PRKX: variants seen among roughly 807,000 people sequenced by gnomAD.
PRKX encodes protein kinase cAMP-dependent X-linked catalytic subunit.
PRKX carries 12 observed loss-of-function variants against 22.0 expected under a neutral mutation model. The observed-to-expected ratio is 0.54, with a 90% CI of 0.35 to 0.88. The LOEUF is 0.88. Among genes scored for constraint, PRKX ranks in the 40% least tolerant of loss-of-function variants. The pLI is 0.01. For missense variants in PRKX, 217 were observed against 308.0 expected (o/e 0.70, Z 2.21); for synonymous variants, 134 against 137.7 (o/e 0.97, Z 0.19).
rs34567097 is a variant in PRKX at position 3,666,152 on chromosome X, ATTT to A, written c.335+8443_335+8445del. Among the ~76,000 whole-genome samples, 525 of 68,077 alleles carry A rather than the reference ATTT, an allele frequency of 7.7e-3. 5 individuals are homozygous for A. Among genetic ancestry groups the A allele is most frequent in the African/African-American group, 0.015 (267 of 18,217 alleles). The allele number at this position is 68,077 out of a possible 115,157, so 59.1% of individuals were successfully genotyped here. On this transcript the variant is annotated intron_variant, in intron 2 of 8. Transcript: ENST00000262848. ...CAGCCTCCCGAGTAGTGAACTGTAC[ATTT>A]TTTTTTTTTTTTTTTTTGAGACAGA...
At chrX:3,685,784 G>A (rs1928167065) in intron 1 of PRKX, among the ~76,000 whole-genome samples, 1 of 111,430 alleles carries the variant, frequency 9.0e-6, no homozygotes, top group African/African-American at 3.3e-5. Context: ...GGTGGCGCAT[G>A]TCTGTAATCC....
At chrX:3,677,677 C>T (rs778347070) in intron 1 of PRKX, among the ~76,000 whole-genome samples, 1 of 111,703 alleles carries the variant, frequency 9.0e-6, no homozygotes, top group South Asian at 3.7e-4. Flanking sequence ...CTAAAATCCC[C>T]ATGTTGTAAA....
At chrX:3,615,112 G>A (rs764248470) in intron 7 of PRKX, among the ~76,000 whole-genome samples, 25 of 97,323 alleles carry the variant, frequency 2.6e-4, no homozygotes, top group Non-Finnish European at 4.4e-4. Flanking sequence ...TCCGCCTCCT[G>A]GTATCAAGCA....
In PRKX at chrX:3,665,091, C is replaced by T. The variant is rs761991272; in HGVS notation, c.335+9507G>A. Among the ~76,000 whole-genome samples the T allele has an allele frequency of 1.2e-4, 13 of 111,907 alleles. No individual in the cohort carries two copies. The South Asian group carries it at 3.7e-3, about 32-fold the overall frequency. ...TGAGGCCAAAACTGCACGGGGCGCGCGCGTGTGTGTGTGTGCATGCATATA... is the reference window on the plus strand; with the variant it reads ...TGAGGCCAAAACTGCACGGGGCGCGTGCGTGTGTGTGTGTGCATGCATATA... On this transcript the variant is annotated intron_variant, in intron 2 of 8. Transcript: ENST00000262848.
In PRKX at chrX:3,664,046, A is replaced by C. The variant is rs1247504674; in HGVS notation, c.336-8634T>G. ...CACCAGGAAGTACATGCCCACAGGCACACAGCCTTGCTCCTAGGGTCACAT... is the reference window on the plus strand; with the variant it reads ...CACCAGGAAGTACATGCCCACAGGCCCACAGCCTTGCTCCTAGGGTCACAT... On this transcript the variant is annotated intron_variant, in intron 2 of 8. Transcript: ENST00000262848. Among the ~76,000 whole-genome samples the C allele has an allele frequency of 7.2e-5, 8 of 111,713 alleles. No individual in the cohort carries two copies. The East Asian group carries it at 2.3e-3, about 32-fold the overall frequency.
At chrX:3,696,316 T>C (rs1422208536) in intron 1 of PRKX, among the ~76,000 whole-genome samples, 1 of 111,481 alleles carries the variant, frequency 9.0e-6, no homozygotes, top group Non-Finnish European at 1.9e-5. Context: ...CAGACACTCC[T>C]CAACTTACAA....
At chrX:3,634,767 C>T (rs1232696990) in intron 4 of PRKX, among the ~76,000 whole-genome samples, 1 of 111,907 alleles carries the variant, frequency 8.9e-6, no homozygotes, top group African/African-American at 3.2e-5. Context: ...CACAGCTCAC[C>T]GCAGCGTTGA....
intron 2 of PRKX, among the ~76,000 whole-genome samples, chrX:3,661,233 TC>T (rs956817969): frequency 9.0e-6 from 1 of 111,464 alleles, no homozygotes; most frequent in Non-Finnish European, 1.9e-5. Flanking sequence ...CTCTTGCCCT[TC>T]CCCAAACCAA....
At chrX:3,697,048 CAA>C (rs1478873491) in intron 1 of PRKX, among the ~76,000 whole-genome samples, 3 of 45,496 alleles carry the variant, frequency 6.6e-5, no homozygotes, top group African/African-American at 4.4e-4. Context: ...AACAAACAGA[CAA>C]ACAAACAAAA....
chrX:3,621,207 G>T (rs12394147), intron 6 of PRKX, 52 bp downstream of exon 6: 1 of 1,095,283 alleles, frequency 9.1e-7, no homozygotes, highest in Non-Finnish European at 1.3e-6. Context: ...GGTGTTAGAC[G>T]GCAGACACGC....
chrX:3,650,510 G>C (rs1476258022), intron 3 of PRKX, among the ~76,000 whole-genome samples: 1 of 49,392 alleles, frequency 2.0e-5, no homozygotes, highest in Admixed American at 4.1e-4. Flanking sequence ...GACAGAGCGA[G>C]ACTCCTCTCC....
At chrX:3,676,804 C>T (rs974305360) in intron 1 of PRKX, among the ~76,000 whole-genome samples, 20 of 111,266 alleles carry the variant, frequency 1.8e-4, no homozygotes, top group Admixed American at 7.7e-4. Context: ...TGGGTTTTCC[C>T]ATGCTGTCCT....
At chrX:3,648,179 C>T (rs983642786) in intron 3 of PRKX, among the ~76,000 whole-genome samples, 13 of 111,618 alleles carry the variant, frequency 1.2e-4, no homozygotes, top group African/African-American at 3.9e-4. Flanking sequence ...AAGAGCCAGA[C>T]GGCAAATATT....
chrX:3,701,951 A>G (rs1262182718), intron 1 of PRKX, among the ~76,000 whole-genome samples: 2 of 112,270 alleles, frequency 1.8e-5, no homozygotes, highest in African/African-American at 6.5e-5. Flanking sequence ...AATAGCCATA[A>G]AAATGGGCAA....
intron 2 of PRKX, among the ~76,000 whole-genome samples, chrX:3,656,602 ACT>A (rs781126643): frequency 9.1e-6 from 1 of 110,430 alleles, no homozygotes; most frequent in Admixed American, 9.6e-5. Flanking sequence ...TGTAGATGTG[ACT>A]CTACAGGTAT....
intron 4 of PRKX, among the ~76,000 whole-genome samples, chrX:3,634,207 G>A (rs1452463669): frequency 9.0e-6 from 1 of 110,543 alleles, no homozygotes; most frequent in African/African-American, 3.3e-5. Context: ...CCGAGATCGC[G>A]CCACTACACT....
intron 1 of PRKX, among the ~76,000 whole-genome samples, chrX:3,708,103 C>T (rs754296654): frequency 9.0e-6 from 1 of 111,393 alleles, no homozygotes; most frequent in South Asian, 3.8e-4. Context: ...AGGTGAGGCC[C>T]TAGGGAGGTG....
At chrX:3,626,332 G>T in intron 5 of PRKX, 87 bp downstream of exon 5, 1 of 673,472 alleles carries the variant, frequency 1.5e-6, no homozygotes, top group Non-Finnish European at 2.3e-6. Flanking sequence ...AACACAATAT[G>T]GTATCCTGCT....
chrX:3,622,629 G>A (rs1037986932), intron 5 of PRKX, among the ~76,000 whole-genome samples: 23 of 111,391 alleles, frequency 2.1e-4, no homozygotes, highest in African/African-American at 7.5e-4. Context: ...GAATTAGGAT[G>A]GGATGCTTGT....
Sources: gnomAD v4.1 joint callset for allele counts (sites outside exome capture counted in the v4.1 genomes callset) on GRCh38, gnomAD v4.1.1 for gene constraint, MANE v1.5 for transcripts, NCBI Gene and HGNC (gene_info 2026-07-23, HGNC 2026-07-21) for gene names.